Variants in IRAG1 observed in about 807,000 individuals in gnomAD.
IRAG1 encodes the protein IP3R-associated cGMP kinase substrate.
A neutral mutation model predicts 106.2 loss-of-function variants in IRAG1; 62 were observed. The observed-to-expected ratio is 0.58, with a 90% confidence interval of 0.48 to 0.72. IRAG1 has a LOEUF of 0.72. Among genes scored for constraint, IRAG1 ranks in the 30% least tolerant of loss-of-function variants. The pLI is 0.00. For synonymous variants in IRAG1, 462 were observed against 443.9 expected (o/e 1.04, Z -0.51); for missense variants, 1,064 against 1,140.7 (o/e 0.93, Z 0.97).
chr11:10,637,550 T>C (rs1564921820), intron 2 of IRAG1, among the ~76,000 whole-genome samples: 2 of 152,116 alleles, frequency 1.3e-5, no homozygotes, highest in African/African-American at 2.4e-5. Context: ...CACAGGAAGA[T>C]TATGCAAGTA....
intron 4 of IRAG1, among the ~76,000 whole-genome samples, chr11:10,631,617 T>C (rs1856695643): frequency 1.3e-5 from 2 of 152,210 alleles, no homozygotes; most frequent in South Asian, 4.1e-4. Flanking sequence ...TGAGCCACCA[T>C]CTGGGGATGA....
intron 3 of IRAG1, among the ~76,000 whole-genome samples, chr11:10,632,886 C>T (rs893422855): frequency 1.3e-5 from 2 of 152,200 alleles, no homozygotes; most frequent in African/African-American, 2.4e-5. Context: ...TATTTTATAT[C>T]TAACTTAGCA....
intron 1 of IRAG1, among the ~76,000 whole-genome samples, chr11:10,685,725 T>TG (rs1466483458): frequency 1.4e-5 from 1 of 71,958 alleles, no homozygotes; most frequent in South Asian, 5.1e-4. Context: ...CTGCCTCTCT[T>TG]GAAAAAAAAA....
chr11:10,684,358 C>CA (rs1178322680), intron 1 of IRAG1, among the ~76,000 whole-genome samples: 1 of 151,446 alleles, frequency 6.6e-6, no homozygotes, highest in Non-Finnish European at 1.5e-5. Context: ...ATTGCAAGGA[C>CA]AAAAAACCAA....
At chr11:10,630,680 C>A (rs939401253) in intron 4 of IRAG1, among the ~76,000 whole-genome samples, 1 of 152,218 alleles carries the variant, frequency 6.6e-6, no homozygotes, top group Non-Finnish European at 1.5e-5. Context: ...GGTATCCAAA[C>A]CCTAAACTGG....
At chr11:10,685,339 T>C (rs1861585200) in intron 1 of IRAG1, among the ~76,000 whole-genome samples, 1 of 151,504 alleles carries the variant, frequency 6.6e-6, no homozygotes. Flanking sequence ...TCCCAGCTAC[T>C]TGGGAGGCAG....
chr11:10,578,142 TG>T (rs1326144385), intron 20 of IRAG1, among the ~76,000 whole-genome samples: 1 of 152,214 alleles, frequency 6.6e-6, no homozygotes, highest in Non-Finnish European at 1.5e-5. Flanking sequence ...CACCCATGCC[TG>T]GCCTATAAAA....
intron 2 of IRAG1, among the ~76,000 whole-genome samples, chr11:10,650,194 C>T (rs547601258): frequency 1.3e-5 from 2 of 152,310 alleles, no homozygotes; most frequent in African/African-American, 4.8e-5. Flanking sequence ...TGTTGTAGAA[C>T]TTGGCAGTCT....
rs183950209 is a variant in IRAG1, at chr11:10,620,019, G to C, written c.1447+3759C>G. Among the ~76,000 whole-genome samples the C allele has an allele frequency of 5.9e-5, 9 of 152,182 alleles. No individual in the cohort carries two copies. The East Asian group carries it at 1.5e-3, about 26-fold the overall frequency. The stretch of plus-strand genomic sequence containing the variant: ...GCTGTAGGTAGTGGATGTCTAAATT[G>C]GTATAATTTTGTAAGCTAATCTGGC... On this transcript the variant is annotated intron_variant, in intron 10 of 20. Transcript: ENST00000423302.
At position 10,628,104 on chromosome 11, in the gene IRAG1, C is replaced by T. The variant is rs767110042; in HGVS notation, c.653-79G>A. The T allele has an allele frequency of 2.1e-5, 31 of 1,481,326 alleles. No individual in the cohort carries two copies. The highest frequency in any genetic ancestry group is 5.5e-5 in the African/African-American group (4 of 72,190). 91.8% of individuals were successfully genotyped at this position (1,481,326 alleles called of 1,614,324 possible). On this transcript the variant is annotated intron_variant, in intron 6 of 20. Coordinates refer to ENST00000423302, the MANE Select transcript of IRAG1 (RefSeq NM_130385.4). The surrounding 1 kb of genome is among the most constrained non-coding windows in gnomAD (Gnocchi z 4.1). ...GTGCTTTCAGCCACATCTCCCTCCC[C>T]GGGCTATCCTCCCTTTGCAATCTCA...
chr11:10,622,985 A>G (rs1189672679), intron 10 of IRAG1, among the ~76,000 whole-genome samples: 1 of 152,056 alleles, frequency 6.6e-6, no homozygotes, highest in Non-Finnish European at 1.5e-5. Flanking sequence ...TGTTTTAGGT[A>G]CTTTATAGAT....
chr11:10,587,689 GT>G (rs1214583318), intron 18 of IRAG1, among the ~76,000 whole-genome samples: 3 of 152,060 alleles, frequency 2.0e-5, no homozygotes, highest in African/African-American at 7.2e-5. Flanking sequence ...CTACATCCTG[GT>G]TTTGCTGATC....
chr11:10,680,230 A>G lies in IRAG1; in HGVS notation c.67+13306T>C, dbSNP rs550231566. 5.4e-5 allele frequency among the ~76,000 whole-genome samples: 8 copies of G among 146,942 alleles called. No homozygotes were observed. In the East Asian group the frequency reaches 1.4e-3, roughly 27 times the overall value. On this transcript the variant is annotated intron_variant, in intron 1 of 20. Coordinates refer to ENST00000423302, the MANE Select transcript of IRAG1 (RefSeq NM_130385.4). ...GGAGGTTGCAGTGAGCAGAGATTAC[A>G]CCACTACACTCCAGTCTGGGCAACA...
rs1049614053 is a variant in IRAG1 at position 10,657,311 on chromosome 11, C to T, written c.68-5129G>A. Among the ~76,000 whole-genome samples, 2 of 152,160 alleles carry T rather than the reference C, an allele frequency of 1.3e-5. No individual in the cohort carries two copies. Among genetic ancestry groups the T allele is most frequent in the African/African-American group, 4.8e-5 (2 of 41,430 alleles). ...CTCATGAATGGCAGTGCTGGGAATT[C>T]ACCGAATCTGGGTCTGATGCTCCCC... On this transcript the variant is annotated intron_variant, in intron 1 of 20. Coordinates refer to ENST00000423302, the MANE Select transcript of IRAG1 (RefSeq NM_130385.4). This position sits in a 1 kb window ranked among gnomAD's most constrained non-coding sequence, Gnocchi z 4.1.
chr11:10,627,819 G>T (rs1856372220), intron 7 of IRAG1, 59 bp from the exon 8 acceptor site: 8 of 1,609,662 alleles, frequency 5.0e-6, no homozygotes, highest in Non-Finnish European at 6.0e-6. Context: ...GTTTCCTCTT[G>T]AAATATCCCC....
At chr11:10,618,626 T>C (rs1042851595) in intron 10 of IRAG1, among the ~76,000 whole-genome samples, 2 of 152,068 alleles carry the variant, frequency 1.3e-5, no homozygotes, top group Non-Finnish European at 2.9e-5. Flanking sequence ...AAAAGTGACA[T>C]GAGCAGATAT....
rs547630828 is a variant in IRAG1, at chr11:10,615,825, C to T, written c.1448-5974G>A. ...GGAGGGATAGCATTAGCAGATATAC[C>T]TAATGTAAATGACGAGTTAATGGGT... On this transcript the variant is annotated intron_variant, in intron 10 of 20. Coordinates refer to ENST00000423302, the MANE Select transcript of IRAG1 (RefSeq NM_130385.4). Among the ~76,000 whole-genome samples the T allele has an allele frequency of 1.5e-4, 22 of 151,700 alleles. No individual in the cohort carries two copies. The South Asian group carries it at 4.2e-3, about 29-fold the overall frequency.
At chr11:10,601,296 G>C (rs549483226) in intron 14 of IRAG1, among the ~76,000 whole-genome samples, 9 of 152,218 alleles carry the variant, frequency 5.9e-5, no homozygotes, top group Non-Finnish European at 1.0e-4. Context: ...GCAGAGGAGA[G>C]TTGTTTCTGC....
At chr11:10,585,853 G>A (rs964363836) in intron 18 of IRAG1, among the ~76,000 whole-genome samples, 1 of 152,082 alleles carries the variant, frequency 6.6e-6, no homozygotes, top group African/African-American at 2.4e-5. Flanking sequence ...CTCTCACCTT[G>A]GTCTTCTACC....
Sources: gnomAD v4.1 joint callset for allele counts (sites outside exome capture counted in the v4.1 genomes callset) on GRCh38, gnomAD v4.1.1 for gene constraint, Gnocchi (gnomAD v3.1) non-coding constraint, MANE v1.5 for transcripts, NCBI Gene and HGNC (gene_info 2026-07-23, HGNC 2026-07-21) for gene names.